The following CCDC171 variants were observed in gnomAD, a reference collection of about 807,000 sequenced individuals.
CCDC171 encodes the protein coiled-coil domain containing 171, also known as coiled-coil domain-containing protein 171.
Under a neutral mutation model 168.2 loss-of-function variants are expected in CCDC171, and 177 were observed. The observed-to-expected ratio is 1.05, with a 90% CI of 0.93 to 1.19. The LOEUF is 1.19. Ranked by LOEUF, CCDC171 falls within the 50% of genes most tolerant of loss-of-function variation. The pLI is 0.00. For synonymous variants in CCDC171, 687 were observed against 540.8 expected, an observed-to-expected ratio of 1.27 and a Z score of -3.75; for missense variants, 1,991 against 1,539.0, an observed-to-expected ratio of 1.29 and a Z score of -4.91.
intron 6 of CCDC171, among the ~76,000 whole-genome samples, chr9:15,603,051 G>C (rs1254955902): frequency 6.6e-6 from 1 of 151,784 alleles, no homozygotes. Context: ...GCGCGATCTT[G>C]GCTCACTGCA....
chr9:15,840,978 G>A (rs886140278), intron 21 of CCDC171, among the ~76,000 whole-genome samples: 1 of 151,806 alleles, frequency 6.6e-6, no homozygotes, highest in Non-Finnish European at 1.5e-5. Context: ...AGTTTACTGG[G>A]AAGAATTAGC....
At chr9:15,600,331 T>C (rs1168432309) in intron 6 of CCDC171, among the ~76,000 whole-genome samples, 1 of 152,210 alleles carries the variant, frequency 6.6e-6, no homozygotes, top group East Asian at 1.9e-4. Context: ...GTGTCCTTTC[T>C]GTTTGTTAGT....
chr9:15,960,742 A>G (rs117789061), intron 25 of CCDC171, among the ~76,000 whole-genome samples: 1,572 of 152,296 alleles, frequency 0.01, 21 homozygotes, highest in Middle Eastern at 0.034. Flanking sequence ...TATGACCCCC[A>G]GATCACATGA....
chr9:15,851,523 C>G (rs2061127151), intron 23 of CCDC171, among the ~76,000 whole-genome samples: 1 of 151,676 alleles, frequency 6.6e-6, no homozygotes, highest in Non-Finnish European at 1.5e-5. Flanking sequence ...TTTTTTAAAA[C>G]ACACCCTTCT....
At chr9:15,937,544 C>CCCCTTATAT in intron 25 of CCDC171, among the ~76,000 whole-genome samples, 1 of 151,698 alleles carries the variant, frequency 6.6e-6, no homozygotes, top group Admixed American at 6.6e-5. Context: ...GTCTAAAATC[C>CCCCTTATAT]CCCTTATATA....
chr9:16,019,855 G>C (rs1023036564), intron 3 of CCDC171, among the ~76,000 whole-genome samples: 5 of 152,198 alleles, frequency 3.3e-5, no homozygotes, highest in Non-Finnish European at 7.4e-5. Context: ...TGATGTCACT[G>C]ATTAGTGACT....
intron 18 of CCDC171, among the ~76,000 whole-genome samples, chr9:15,764,432 G>A (rs1331840317): frequency 6.6e-6 from 1 of 152,182 alleles, no homozygotes; most frequent in African/African-American, 2.4e-5. Flanking sequence ...ATTGGCTAGA[G>A]TCTGGAAATA....
intron 21 of CCDC171, among the ~76,000 whole-genome samples, chr9:15,830,077 C>T (rs1005611894): frequency 2.0e-5 from 3 of 152,128 alleles, no homozygotes; most frequent in African/African-American, 4.8e-5. Flanking sequence ...GTCAGTGTTC[C>T]TCAAGCAGTG....
chr9:15,584,988 G>A (rs958342590), intron 4 of CCDC171, among the ~76,000 whole-genome samples: 1 of 152,060 alleles, frequency 6.6e-6, no homozygotes, highest in Admixed American at 6.5e-5. Flanking sequence ...TTAATCAGAG[G>A]AAAAATGCGT....
intron 18 of CCDC171, among the ~76,000 whole-genome samples, chr9:15,759,111 C>T (rs2056304069): frequency 6.6e-6 from 1 of 152,142 alleles, no homozygotes; most frequent in Non-Finnish European, 1.5e-5. Context: ...GTCTCCCTCC[C>T]TCCCTCTCTC....
intron 11 of CCDC171, among the ~76,000 whole-genome samples, chr9:15,702,777 T>C (rs1375571173): frequency 6.6e-6 from 1 of 152,220 alleles, no homozygotes; most frequent in Non-Finnish European, 1.5e-5. Context: ...CCTTACACTT[T>C]TGTGTTATGC....
chr9:16,084,761 T>C, the CCDC171 span, among the ~76,000 whole-genome samples: 3 of 152,030 alleles, frequency 2.0e-5, no homozygotes, highest in Non-Finnish European at 2.9e-5. Context: ...GGGTTTTGGG[T>C]GTCATCTAAC....
intron 25 of CCDC171, among the ~76,000 whole-genome samples, chr9:15,969,722 C>T (rs534219952): frequency 1.3e-5 from 2 of 152,278 alleles, no homozygotes; most frequent in South Asian, 2.1e-4. Context: ...CCCACCATTT[C>T]CTGCTCTTCC....
At chr9:16,083,175 G>A in the CCDC171 span, among the ~76,000 whole-genome samples, 16 of 152,112 alleles carry the variant, frequency 1.1e-4, no homozygotes, top group African/African-American at 3.6e-4. Context: ...TTAGTAATGG[G>A]TCCTATGTTG....
At position 15,971,994 on chromosome 9, in the gene CCDC171, T is replaced by A; in HGVS notation, c.*158T>A. 1 of 568,838 alleles carries A rather than the reference T, an allele frequency of 1.8e-6. No homozygotes were observed. Among genetic ancestry groups the A allele is most frequent in the Non-Finnish European group, 3.0e-6 (1 of 331,600 alleles). The allele number at this position is 568,838 out of a possible 1,614,324, so 35.2% of individuals were successfully genotyped here. A position where few individuals can be genotyped will look rare whatever the true frequency, so the allele number is the denominator to read the frequency against. ...ATGTATTCTGGTAGCTCTGTCTCCT[T>A]GAATAAGGAAATAGCCAACTTTTTT... On this transcript the variant is annotated 3_prime_UTR_variant, in exon 26 of 26. Transcript: ENST00000380701.
intron 24 of CCDC171, among the ~76,000 whole-genome samples, chr9:15,884,291 A>G (rs967346344): frequency 3.3e-5 from 5 of 150,824 alleles, no homozygotes; most frequent in Non-Finnish European, 7.4e-5. Flanking sequence ...ACATGTATGA[A>G]AGAACTTAGA....
At chr9:15,651,412 A>G (rs899136822) in intron 7 of CCDC171, among the ~76,000 whole-genome samples, 4 of 150,118 alleles carry the variant, frequency 2.7e-5, no homozygotes, top group Non-Finnish European at 5.9e-5. Context: ...CCTGGCCTAT[A>G]GTTTTTTTTT....
intron 6 of CCDC171, among the ~76,000 whole-genome samples, chr9:15,622,268 C>T (rs1366434200): frequency 2.0e-5 from 3 of 152,020 alleles, no homozygotes; most frequent in South Asian, 2.1e-4. Flanking sequence ...TACACATGTA[C>T]CCATGAACCT....
At chr9:15,646,644 G>T (rs1373503790) in intron 7 of CCDC171, among the ~76,000 whole-genome samples, 1 of 126,940 alleles carries the variant, frequency 7.9e-6, no homozygotes, top group East Asian at 3.4e-4. Flanking sequence ...AAGATCAAAA[G>T]AGACAAAGAA....
Sources: allele counts gnomAD v4.1 joint callset (sites outside exome capture counted in the v4.1 genomes callset), GRCh38; gene constraint gnomAD v4.1.1; transcripts MANE v1.5; gene names NCBI Gene and HGNC (gene_info 2026-07-23, HGNC 2026-07-21).